The following KHDRBS2 variants were observed in gnomAD, a reference collection of about 807,000 sequenced individuals.
KHDRBS2 encodes KH domain-containing, RNA-binding, signal transduction-associated protein 2.
Under a neutral mutation model 44.3 loss-of-function variants are expected in KHDRBS2, and 26 were observed. That is an observed-to-expected ratio of 0.59 (90% CI 0.43 to 0.81). The LOEUF (loss-of-function observed/expected upper bound fraction) is 0.81, where lower values mean the gene tolerates loss of function less well. Among genes scored for constraint, KHDRBS2 ranks in the 40% least tolerant of loss-of-function variants. The pLI is 0.00. For missense variants in KHDRBS2, 476 were observed against 433.1 expected, an observed-to-expected ratio of 1.10 and a Z score of -0.88; for synonymous variants, 194 against 151.1, an observed-to-expected ratio of 1.28 and a Z score of -2.08.
At chr6:62,073,472 T>C (rs182131182) in intron 2 of KHDRBS2, among the ~76,000 whole-genome samples, 94 of 151,468 alleles carry the variant, frequency 6.2e-4, no homozygotes, top group African/African-American at 2.2e-3. Flanking sequence ...AATTGTTTGC[T>C]AATTTTGCTC....
At chr6:61,686,271 G>C (rs1766802688) in intron 8 of KHDRBS2, among the ~76,000 whole-genome samples, 2 of 151,706 alleles carry the variant, frequency 1.3e-5, no homozygotes, top group Admixed American at 6.6e-5. Flanking sequence ...ACCCAAGTTA[G>C]TCTCTACCAT....
At chr6:62,264,187 A>G (rs1838816351) in intron 1 of KHDRBS2, among the ~76,000 whole-genome samples, 1 of 151,852 alleles carries the variant, frequency 6.6e-6, no homozygotes, top group Non-Finnish European at 1.5e-5. Flanking sequence ...AATATAGGAA[A>G]TGATTGAGTC....
the KHDRBS2 span, among the ~76,000 whole-genome samples, chr6:61,641,445 C>T: frequency 6.6e-6 from 1 of 152,118 alleles, no homozygotes. Flanking sequence ...CCTGAAAATA[C>T]TCTGTACTTT....
At chr6:62,022,703 A>G (rs552211609) in intron 3 of KHDRBS2, among the ~76,000 whole-genome samples, 7 of 151,858 alleles carry the variant, frequency 4.6e-5, no homozygotes, top group African/African-American at 1.4e-4. Flanking sequence ...CTTACCATAA[A>G]AAACATTCAA....
At chr6:62,076,007 T>C (rs1382669770) in intron 2 of KHDRBS2, among the ~76,000 whole-genome samples, 3 of 151,856 alleles carry the variant, frequency 2.0e-5, no homozygotes, top group Non-Finnish European at 4.4e-5. Context: ...TATGTGCATG[T>C]GGTATGGATG....
intron 6 of KHDRBS2, among the ~76,000 whole-genome samples, chr6:61,765,820 C>A (rs963418674): frequency 6.6e-6 from 1 of 152,052 alleles, no homozygotes; most frequent in Non-Finnish European, 1.5e-5. Flanking sequence ...GTTGAATCAT[C>A]TTTGCAATCC....
chr6:62,063,474 T>C (rs1030146761), intron 2 of KHDRBS2, among the ~76,000 whole-genome samples: 93 of 150,696 alleles, frequency 6.2e-4, no homozygotes, highest in African/African-American at 2.2e-3. Flanking sequence ...GCTGGTTCAA[T>C]ATACGCAAAT....
At chr6:61,561,285 C>T in the KHDRBS2 span, among the ~76,000 whole-genome samples, 1 of 152,146 alleles carries the variant, frequency 6.6e-6, no homozygotes, top group Non-Finnish European at 1.5e-5. Context: ...ACCCCTGTGG[C>T]TACCATCACT....
At chr6:61,661,765 A>G in the KHDRBS2 span, among the ~76,000 whole-genome samples, 333 of 152,130 alleles carry the variant, frequency 2.2e-3, no homozygotes, top group Admixed American at 3.4e-3. Flanking sequence ...AACAAATGGA[A>G]GAACATTCCA....
chr6:62,136,729 C>T (rs146474181), intron 2 of KHDRBS2, among the ~76,000 whole-genome samples: 1 of 152,204 alleles, frequency 6.6e-6, no homozygotes, highest in African/African-American at 2.4e-5. Context: ...GCCACTATCA[C>T]ATGAGATTCT....
At chr6:61,572,165 G>A in the KHDRBS2 span, among the ~76,000 whole-genome samples, 1 of 151,956 alleles carries the variant, frequency 6.6e-6, no homozygotes, top group East Asian at 1.9e-4. Context: ...AAATACAAAC[G>A]GATTGTCCAA....
At chr6:61,592,656 G>T in the KHDRBS2 span, among the ~76,000 whole-genome samples, 1 of 152,118 alleles carries the variant, frequency 6.6e-6, no homozygotes, top group Non-Finnish European at 1.5e-5. Context: ...TTTCAAAGAA[G>T]TATATTTTAG....
chr6:61,730,812 G>T (rs1317985976), intron 7 of KHDRBS2, among the ~76,000 whole-genome samples: 1 of 151,620 alleles, frequency 6.6e-6, no homozygotes, highest in Non-Finnish European at 1.5e-5. Flanking sequence ...ATTGTATACA[G>T]CCATTATATA....
intron 6 of KHDRBS2, among the ~76,000 whole-genome samples, chr6:61,793,727 T>C (rs1467284980): frequency 6.6e-6 from 1 of 152,118 alleles, no homozygotes; most frequent in Non-Finnish European, 1.5e-5. Context: ...AAACCTGCTT[T>C]GCAAATTGCA....
the KHDRBS2 span, among the ~76,000 whole-genome samples, chr6:61,565,099 A>G: frequency 1.3e-5 from 2 of 152,298 alleles, no homozygotes; most frequent in South Asian, 4.1e-4. Context: ...TGGTGCTAGG[A>G]AAACTGGATA....
chr6:61,848,469 T>TTATATATATATATA (rs796641130), intron 6 of KHDRBS2, among the ~76,000 whole-genome samples: 2 of 73,700 alleles, frequency 2.7e-5, no homozygotes, highest in Non-Finnish European at 5.1e-5. Context: ...AATGGAGGTT[T>TTATATATATATATA]TATATATATA....
intron 8 of KHDRBS2, among the ~76,000 whole-genome samples, chr6:61,682,568 G>A (rs1366681586): frequency 6.6e-6 from 1 of 151,802 alleles, no homozygotes; most frequent in Non-Finnish European, 1.5e-5. Flanking sequence ...TTTACATATT[G>A]TCTATTGCTG....
the KHDRBS2 span, among the ~76,000 whole-genome samples, chr6:61,592,254 C>A: frequency 2.7e-5 from 4 of 149,742 alleles, no homozygotes; most frequent in African/African-American, 9.8e-5. Context: ...AAAGTGCACA[C>A]GTGTGCATGG....
intron 2 of KHDRBS2, among the ~76,000 whole-genome samples, chr6:62,105,517 T>C (rs1405846937): frequency 2.0e-5 from 3 of 152,164 alleles, no homozygotes; most frequent in Non-Finnish European, 4.4e-5. Context: ...AGGGTGTATG[T>C]GTCGAGGAAT....
Sources: gnomAD v4.1 joint callset for allele counts (sites outside exome capture counted in the v4.1 genomes callset) on GRCh38, gnomAD v4.1.1 for gene constraint, MANE v1.5 for transcripts, NCBI Gene and HGNC (gene_info 2026-07-23, HGNC 2026-07-21) for gene names.